Variants in DOCK2 observed in about 807,000 individuals in gnomAD.
The protein encoded by DOCK2 is dedicator of cytokinesis 2.
Under a neutral mutation model 248.9 loss-of-function variants are expected in DOCK2, and 87 were observed. The observed-to-expected ratio is 0.35, with a 90% CI of 0.29 to 0.42. The LOEUF is 0.42. Among genes scored for constraint, DOCK2 ranks in the 10% least tolerant of loss-of-function variants. DOCK2 has a pLI of 1.00. For missense variants in DOCK2, 1,747 were observed against 2,300.2 expected (o/e 0.76, Z 4.92); for synonymous variants, 805 against 821.6 (o/e 0.98, Z 0.35).
chr5:169,924,228 AC>A (rs2113660266), intron 27 of DOCK2, among the ~76,000 whole-genome samples: 1 of 152,300 alleles, frequency 6.6e-6, no homozygotes, highest in South Asian at 2.1e-4. Context: ...CCAGCCACAC[AC>A]ACTAGCTCTG....
intron 2 of DOCK2, 111 bp downstream of exon 2, chr5:169,654,597 A>G: frequency 2.7e-6 from 3 of 1,104,474 alleles, no homozygotes; most frequent in Non-Finnish European, 3.9e-6. Context: ...GGTCTATTTA[A>G]AAACGTTTTG....
At chr5:169,706,962 C>T (rs1761300930) in intron 14 of DOCK2, among the ~76,000 whole-genome samples, 2 of 152,142 alleles carry the variant, frequency 1.3e-5, no homozygotes, top group African/African-American at 4.8e-5. Flanking sequence ...CAAGGACCCA[C>T]GGGAGAATCT....
chr5:169,971,944 A>G (rs1258253765), intron 27 of DOCK2, among the ~76,000 whole-genome samples: 3 of 152,202 alleles, frequency 2.0e-5, no homozygotes, highest in African/African-American at 4.8e-5. Context: ...GCAATTTCTC[A>G]GTATATATAC....
At chr5:170,005,394 C>CA (rs1267652223) in intron 30 of DOCK2, among the ~76,000 whole-genome samples, 1 of 152,172 alleles carries the variant, frequency 6.6e-6, no homozygotes, top group Non-Finnish European at 1.5e-5. Context: ...CAATGAAATG[C>CA]AAGACAGGAT....
At chr5:170,051,553 C>T (rs2113853744) in intron 41 of DOCK2, among the ~76,000 whole-genome samples, 1 of 152,290 alleles carries the variant, frequency 6.6e-6, no homozygotes, top group African/African-American at 2.4e-5. Flanking sequence ...CTAATGTGGC[C>T]TTCTCTGAAC....
intron 2 of DOCK2, among the ~76,000 whole-genome samples, chr5:169,669,055 C>A (rs1251674805): frequency 6.6e-6 from 1 of 152,100 alleles, no homozygotes; most frequent in African/African-American, 2.4e-5. Context: ...CCTGATTTTT[C>A]AAAATCAGGA....
At chr5:169,756,251 G>A (rs557981115) in intron 23 of DOCK2, among the ~76,000 whole-genome samples, 22 of 152,300 alleles carry the variant, frequency 1.4e-4, no homozygotes, top group East Asian at 7.7e-4. Flanking sequence ...GTAAGTGTGC[G>A]GGCTGTGGAG....
Position 170,083,116 on chromosome 5 carries a change from C to T in DOCK2, c.*258C>T. 2.0e-6 allele frequency: 1 copy of T among 492,262 alleles called. No homozygotes were observed. The highest frequency in any genetic ancestry group is 3.6e-6 in the Non-Finnish European group (1 of 274,474). The allele number at this position is 492,262 out of a possible 1,614,324, so 30.5% of individuals were successfully genotyped here. ...CTCAAGGTACCAGCAAGAATGCCTT[C>T]TCCCAGTGTGCTCTCCCCAACATCC... On this transcript the variant is annotated 3_prime_UTR_variant, in exon 52 of 52. Coordinates refer to ENST00000520908, the MANE Select transcript of DOCK2 (RefSeq NM_004946.3).
intron 2 of DOCK2, among the ~76,000 whole-genome samples, chr5:169,666,315 A>G (rs867255296): frequency 1.3e-5 from 2 of 152,352 alleles, no homozygotes; most frequent in Middle Eastern, 6.8e-3. Context: ...ATCAGGTGTC[A>G]GAATTGCAAC....
At position 169,739,470 on chromosome 5, in the gene DOCK2, A is replaced by G. The variant is rs986235785; in HGVS notation, c.2268-7926A>G. On this transcript the variant is annotated intron_variant, in intron 22 of 51. Coordinates refer to ENST00000520908, the MANE Select transcript of DOCK2 (RefSeq NM_004946.3). ...AAGAAATACACCAAAGAAAGAGTAG[A>G]TCTCTCTTTTTAAAGTTAAATGAAA... 2.0e-5 allele frequency among the ~76,000 whole-genome samples: 3 copies of G among 152,320 alleles called. No homozygotes were observed. The East Asian group carries it at 5.8e-4, about 29-fold the overall frequency.
chr5:169,919,751 T>A (rs556975341), intron 27 of DOCK2, among the ~76,000 whole-genome samples: 29 of 152,328 alleles, frequency 1.9e-4, no homozygotes, highest in African/African-American at 6.5e-4. Context: ...AACCTGCTAA[T>A]GTGGGGGCAA....
intron 8 of DOCK2, among the ~76,000 whole-genome samples, chr5:169,685,423 G>A (rs755725848): frequency 3.9e-5 from 6 of 152,116 alleles, no homozygotes; most frequent in African/African-American, 4.8e-5. Flanking sequence ...CCTCTCAGGC[G>A]ACCACTGCCT....
At chr5:169,871,983 C>A (rs1772007696) in intron 27 of DOCK2, among the ~76,000 whole-genome samples, 1 of 152,210 alleles carries the variant, frequency 6.6e-6, no homozygotes, top group African/African-American at 2.4e-5. Flanking sequence ...TCCAGTGAGC[C>A]ATTTTGCACT....
intron 32 of DOCK2, among the ~76,000 whole-genome samples, chr5:170,015,375 A>T (rs927340631): frequency 2.0e-5 from 3 of 152,172 alleles, no homozygotes; most frequent in Non-Finnish European, 2.9e-5. Context: ...GACCTGACCC[A>T]GGCTGTCAGA....
intron 36 of DOCK2, among the ~76,000 whole-genome samples, chr5:170,039,360 C>T (rs1038006206): frequency 1.3e-5 from 2 of 152,172 alleles, no homozygotes; most frequent in Non-Finnish European, 2.9e-5. Context: ...CACATATCAT[C>T]GCTGTGTTCT....
intron 26 of DOCK2, among the ~76,000 whole-genome samples, chr5:169,821,958 A>C (rs564446080): frequency 6.6e-6 from 1 of 152,140 alleles, no homozygotes. Flanking sequence ...AAAAAGGCAG[A>C]GGTTGCAATC....
intron 26 of DOCK2, among the ~76,000 whole-genome samples, chr5:169,810,420 T>C (rs1767666015): frequency 6.6e-6 from 1 of 152,374 alleles, no homozygotes. Flanking sequence ...TTTAGTGTTC[T>C]AATTGACTCT....
At chr5:169,961,075 T>G (rs141042170) in intron 27 of DOCK2, among the ~76,000 whole-genome samples, 34 of 152,180 alleles carry the variant, frequency 2.2e-4, no homozygotes, top group African/African-American at 8.2e-4. Flanking sequence ...CATGAGTGAG[T>G]GATGGTAGTG....
chr5:169,699,982 TG>T (rs1169530598), intron 12 of DOCK2, 31 bp from the exon 13 acceptor site: 3 of 1,611,772 alleles, frequency 1.9e-6, no homozygotes, highest in Non-Finnish European at 2.5e-6. Context: ...CTTGCAAAAG[TG>T]GGCTCTTCAC....
Sources: allele counts gnomAD v4.1 joint callset (sites outside exome capture counted in the v4.1 genomes callset), GRCh38; gene constraint gnomAD v4.1.1; transcripts MANE v1.5; gene names NCBI Gene and HGNC (gene_info 2026-07-23, HGNC 2026-07-21).